The following SLIT1 variants were observed in gnomAD, a reference collection of about 807,000 sequenced individuals.
SLIT1 encodes the protein slit homolog 1 protein.
Under a neutral mutation model 186.1 loss-of-function variants are expected in SLIT1, and 66 were observed. The ratio of observed to expected loss-of-function variants is 0.35; its 90% CI spans 0.29 to 0.44. The LOEUF is 0.44. SLIT1 is among the 20% of genes least tolerant of loss of function. The pLI is 1.00. For synonymous variants in SLIT1, 761 were observed against 833.8 expected, an observed-to-expected ratio of 0.91 and a Z score of 1.50; for missense variants, 1,638 against 2,037.4, an observed-to-expected ratio of 0.80 and a Z score of 3.77.
At chr10:97,041,220 G>C (rs569791637) in intron 20 of SLIT1, among the ~76,000 whole-genome samples, 3 of 152,184 alleles carry the variant, frequency 2.0e-5, no homozygotes, top group Non-Finnish European at 4.4e-5. Context: ...CTGGCAGCAC[G>C]ATGCATTGGA....
At chr10:97,037,902 A>G (rs976873383) in intron 21 of SLIT1, 136 bp from the exon 22 acceptor site, 1 of 619,794 alleles carries the variant, frequency 1.6e-6, no homozygotes, top group Non-Finnish European at 2.8e-6. Flanking sequence ...TGGGCCCAGA[A>G]TCACTTATGG....
intron 4 of SLIT1, among the ~76,000 whole-genome samples, chr10:97,073,415 G>A (rs1273153629): frequency 1.3e-5 from 2 of 152,220 alleles, no homozygotes; most frequent in African/African-American, 4.8e-5. Flanking sequence ...CTGGAAGCGG[G>A]CGGGATCTGC....
At chr10:97,109,885 A>T (rs2817696) in intron 4 of SLIT1, among the ~76,000 whole-genome samples, 1 of 151,956 alleles carries the variant, frequency 6.6e-6, no homozygotes, top group Non-Finnish European at 1.5e-5. Context: ...CTTCTCTTGC[A>T]AACCTCCATT....
chr10:97,141,211 A>C (rs1589408623), intron 4 of SLIT1, among the ~76,000 whole-genome samples: 1 of 152,004 alleles, frequency 6.6e-6, no homozygotes, highest in African/African-American at 2.4e-5. Flanking sequence ...ACAGCAGCCC[A>C]CCCTTCAGCA....
intron 1 of SLIT1, among the ~76,000 whole-genome samples, chr10:97,172,024 A>G (rs1373841711): frequency 1.3e-5 from 2 of 151,580 alleles, no homozygotes; most frequent in South Asian, 4.2e-4. Context: ...CCTCTGTAGC[A>G]TAAATCAGAG....
At chr10:97,125,533 CAAAAA>C (rs34143370) in intron 4 of SLIT1, among the ~76,000 whole-genome samples, 8 of 115,546 alleles carry the variant, frequency 6.9e-5, no homozygotes, top group Admixed American at 9.3e-5. Flanking sequence ...GACCCTGTGT[CAAAAA>C]AAAAAAAAAA....
chr10:97,106,592 C>G (rs1012641976), intron 4 of SLIT1, among the ~76,000 whole-genome samples: 5 of 151,368 alleles, frequency 3.3e-5, no homozygotes, highest in African/African-American at 1.2e-4. Flanking sequence ...GGGAGGTAGG[C>G]TTATTTGGGG....
intron 13 of SLIT1, among the ~76,000 whole-genome samples, chr10:97,049,737 A>C (rs1848770705): frequency 6.6e-6 from 1 of 152,192 alleles, no homozygotes; most frequent in Admixed American, 6.5e-5. Flanking sequence ...CCTCTCCTTG[A>C]CCATTTTACA....
Position 97,004,357 on chromosome 10 carries a change from C to T in SLIT1, c.3711-135G>A. On this transcript the variant is annotated intron_variant, in intron 33 of 36. Transcript: ENST00000266058. This position sits in a 1 kb window ranked among gnomAD's most constrained non-coding sequence, Gnocchi z 5.1. ...TCTAAGGAAAAGGACTGTGGGGGCT[C>T]AAGGGTCTATCGCATGATCCCTTTC... 2.3e-6 allele frequency: 2 copies of T among 888,612 alleles called. No homozygotes were observed. Among genetic ancestry groups the T allele is most frequent in the Non-Finnish European group, 3.5e-6 (2 of 575,144 alleles). The allele number at this position is 888,612 out of a possible 1,614,324, so 55.0% of individuals were successfully genotyped here.
chr10:97,070,222 T>C (rs1214815945), intron 4 of SLIT1, among the ~76,000 whole-genome samples: 2 of 152,218 alleles, frequency 1.3e-5, no homozygotes, highest in East Asian at 1.9e-4. Context: ...GAGATGTTTA[T>C]TGTTTGTTCT....
At chr10:97,014,612 A>G (rs1178155752) in intron 28 of SLIT1, among the ~76,000 whole-genome samples, 1 of 152,158 alleles carries the variant, frequency 6.6e-6, no homozygotes, top group Non-Finnish European at 1.5e-5. Context: ...CATGCCTGTA[A>G]TCCCAGCACT....
intron 4 of SLIT1, among the ~76,000 whole-genome samples, chr10:97,133,635 T>G (rs555315109): frequency 2.6e-5 from 4 of 152,236 alleles, no homozygotes; most frequent in African/African-American, 9.6e-5. Context: ...AAAATCATTA[T>G]GATGGTAAAT....
intron 25 of SLIT1, among the ~76,000 whole-genome samples, chr10:97,029,720 ACTAC>A (rs1480306512): frequency 1.3e-5 from 2 of 152,174 alleles, no homozygotes; most frequent in Non-Finnish European, 2.9e-5. Flanking sequence ...CAATATCACC[ACTAC>A]CTATTTCCAA....
intron 4 of SLIT1, among the ~76,000 whole-genome samples, chr10:97,135,565 G>A (rs995818943): frequency 1.3e-5 from 2 of 152,170 alleles, no homozygotes; most frequent in Non-Finnish European, 2.9e-5. Context: ...TGAGGAAGCC[G>A]GGGTGGAAGC....
At chr10:97,174,886 T>C (rs1225732164) in intron 1 of SLIT1, among the ~76,000 whole-genome samples, 1 of 152,232 alleles carries the variant, frequency 6.6e-6, no homozygotes, top group African/African-American at 2.4e-5. Context: ...TAGTTGTTAA[T>C]TGTGGTAAAA....
At chr10:97,063,961 C>A (rs1347418954) in intron 7 of SLIT1, among the ~76,000 whole-genome samples, 1 of 152,122 alleles carries the variant, frequency 6.6e-6, no homozygotes, top group Non-Finnish European at 1.5e-5. Context: ...CAAGGAAAAA[C>A]CAAATTAAGT....
chr10:97,008,948 C>T (rs374093660), intron 31 of SLIT1, among the ~76,000 whole-genome samples: 5 of 151,804 alleles, frequency 3.3e-5, no homozygotes, highest in Admixed American at 1.3e-4. Context: ...GGCACGATCT[C>T]GGCTCACTGC....
intron 29 of SLIT1, 89 bp downstream of exon 29, chr10:97,013,930 C>A: frequency 6.4e-7 from 1 of 1,559,942 alleles, no homozygotes; most frequent in Non-Finnish European, 8.7e-7. Flanking sequence ...GACACTGAGG[C>A]AGGGATCCCC....
chr10:97,069,819 A>G (rs1300601892), intron 4 of SLIT1, among the ~76,000 whole-genome samples: 1 of 152,218 alleles, frequency 6.6e-6, no homozygotes, highest in Non-Finnish European at 1.5e-5. Context: ...TTCAAAAGAC[A>G]GAGGCTCATT....
Sources: gnomAD v4.1 joint callset for allele counts (sites outside exome capture counted in the v4.1 genomes callset) on GRCh38, gnomAD v4.1.1 for gene constraint, Gnocchi (gnomAD v3.1) non-coding constraint, MANE v1.5 for transcripts, NCBI Gene and HGNC (gene_info 2026-07-23, HGNC 2026-07-21) for gene names.